LY75: variants seen among roughly 807,000 people sequenced by gnomAD.
LY75 encodes the protein C-type lectin domain family 13 member B.
In LY75, 185 loss-of-function variants were observed where a neutral mutation model predicts 231.7. The observed-to-expected ratio is 0.80, with a 90% CI of 0.71 to 0.90. The LOEUF (loss-of-function observed/expected upper bound fraction) is 0.90. LY75 is among the 40% of genes least tolerant of loss of function. LY75 has a pLI of 0.00. For missense variants in LY75, 1,947 were observed against 2,050.2 expected, an observed-to-expected ratio of 0.95 and a Z score of 0.97; for synonymous variants, 668 against 689.0, an observed-to-expected ratio of 0.97 and a Z score of 0.48.
chr2:159,828,957 C>A (rs1313682577), intron 28 of LY75, among the ~76,000 whole-genome samples: 1 of 152,090 alleles, frequency 6.6e-6, no homozygotes, highest in East Asian at 1.9e-4. Flanking sequence ...TACATTCAGG[C>A]AATCTGTAGA....
intron 23 of LY75, among the ~76,000 whole-genome samples, chr2:159,849,451 G>A (rs961026817): frequency 2.6e-5 from 4 of 152,024 alleles, no homozygotes; most frequent in Non-Finnish European, 5.9e-5. Context: ...TTTGCCTCAG[G>A]AGACTGAGGC....
Position 159,860,876 on chromosome 2 carries a change from A to G in LY75, c.2213T>C (p.Ile738Thr). 6.2e-7 allele frequency: 1 copy of G among 1,613,970 alleles called. No individual in the cohort carries two copies. Among genetic ancestry groups the G allele is most frequent in the Non-Finnish European group, 8.5e-7 (1 of 1,179,876 alleles). ...WSDRTPVSTIIMPNEFQQDYD... is the reference protein window; with the variant it reads ...WSDRTPVSTITMPNEFQQDYD... ...ATCCTGCTGAAACTCATTTGGCATG[A>G]TAATAGTAGACACCTGAAAAGACAA... The change falls in exon 15 of 35, where the codon ATC becomes ACC. Residue 738 changes from isoleucine (I) to threonine (T), a missense_variant. By Grantham distance (89) the Ile-to-Thr change is moderately conservative. Transcript: ENST00000263636.
At chr2:159,848,892 A>G (rs1684297574) in intron 23 of LY75, among the ~76,000 whole-genome samples, 1 of 152,156 alleles carries the variant, frequency 6.6e-6, no homozygotes, top group Admixed American at 6.5e-5. Flanking sequence ...GAAGAGAACG[A>G]ACATATCAGA....
At chr2:159,881,053 A>G (rs1685420361) in intron 8 of LY75, 30 bp downstream of exon 8, 2 of 1,603,440 alleles carry the variant, frequency 1.2e-6, no homozygotes, top group East Asian at 4.5e-5. Flanking sequence ...AAACAGGAAG[A>G]ATATAAAGAA....
rs113288676 is a variant in LY75 at position 159,882,291 on chromosome 2, C to A, written c.1079G>T (p.Arg360Leu). 2.5e-6 allele frequency: 4 copies of A among 1,613,778 alleles called. No homozygotes were observed. The highest frequency in any genetic ancestry group is 3.4e-6 in the Non-Finnish European group (4 of 1,179,786). Residue 360 changes from arginine to leucine, a missense_variant, in exon 7 of 35, where the codon CGC (arginine) becomes CTC (leucine). By Grantham distance (102) the Arg-to-Leu change is moderately radical (BLOSUM62 -2). Coordinates refer to ENST00000263636, the MANE Select transcript of LY75 (RefSeq NM_002349.4). ...LTDVWTYSDT[R>L]CDAGWLPNNG... ...ATTTGGCAGCCAGCCTGCATCACAG[C>A]GGGTATCTGAGTATGTCCAGACATC...
intron 1 of LY75, among the ~76,000 whole-genome samples, chr2:159,901,054 G>A (rs973222578): frequency 6.6e-6 from 1 of 152,078 alleles, no homozygotes; most frequent in Admixed American, 6.6e-5. Context: ...GGCCAAGCTG[G>A]TCTCGAACTC....
intron 31 of LY75, 49 bp downstream of exon 31, chr2:159,815,356 A>C: frequency 6.5e-7 from 1 of 1,541,256 alleles, no homozygotes; most frequent in Middle Eastern, 1.7e-4. Flanking sequence ...ATGTGCATAA[A>C]TTATGTCACA....
chr2:159,842,198 T>TATATATATAG, intron 24 of LY75, 47 bp downstream of exon 24: 1 of 1,571,528 alleles, frequency 6.4e-7, no homozygotes, highest in African/African-American at 1.5e-5. Flanking sequence ...TATATATATA[T>TATATATATAG]ATGTAATAGC....
At position 159,894,018 on chromosome 2, in the gene LY75, G is replaced by A. The variant is rs1271391648; in HGVS notation, c.533C>T (p.Thr178Ile). The change falls in exon 3 of 35, where the codon ACC becomes ATC. Residue 178 changes from threonine to isoleucine, a missense_variant. Thr to Ile is a moderately conservative substitution (Grantham distance 89). Transcript: ENST00000263636. ...ATCAAGAATGCAATCATGATGCCAG[G>A]TCCCATCAATTAAGAATGGAAATTC... Reference protein sequence around the residue: ...PCEFPFLIDGTWHHDCILDED... With the variant: ...PCEFPFLIDGIWHHDCILDED... 2 of 1,613,722 alleles carry A rather than the reference G, an allele frequency of 1.2e-6. No individual in the cohort carries two copies. The highest frequency in any genetic ancestry group is 3.3e-5 in the Admixed American group (2 of 59,976).
chr2:159,894,462 C>A (rs906723838), intron 2 of LY75, among the ~76,000 whole-genome samples: 1 of 152,196 alleles, frequency 6.6e-6, no homozygotes, highest in South Asian at 2.1e-4. Context: ...GAAAGGGTGC[C>A]CTGGCTGAGG....
At chr2:159,854,960 G>C in intron 16 of LY75, 21 bp from the exon 17 acceptor site, 1 of 1,613,628 alleles carries the variant, frequency 6.2e-7, no homozygotes, top group Non-Finnish European at 8.5e-7. Context: ...AAGAAAGCAA[G>C]TGGCATTAGT....
chr2:159,892,045 C>A (rs1393860418), intron 3 of LY75, among the ~76,000 whole-genome samples: 1 of 152,128 alleles, frequency 6.6e-6, no homozygotes, highest in East Asian at 1.9e-4. Flanking sequence ...GATATGTAAT[C>A]CTCCAAGTGT....
intron 8 of LY75, among the ~76,000 whole-genome samples, chr2:159,879,656 GAGA>G (rs1456631056): frequency 6.6e-6 from 1 of 152,108 alleles, no homozygotes; most frequent in Non-Finnish European, 1.5e-5. Context: ...AAGTTGAAGA[GAGA>G]AGAACTCAGC....
intron 12 of LY75, 27 bp from the exon 13 acceptor site, chr2:159,872,620 T>C: frequency 6.2e-7 from 1 of 1,603,344 alleles, no homozygotes; most frequent in Non-Finnish European, 8.5e-7. Context: ...ATTAATTTGT[T>C]TTATGGTATT....
Position 159,890,203 on chromosome 2 carries a change from T to A in LY75, c.802+10A>T, listed in dbSNP as rs774765333. 2 of 1,605,080 alleles carry A rather than the reference T, an allele frequency of 1.2e-6. No individual in the cohort carries two copies. The highest frequency in any genetic ancestry group is 1.7e-6 in the Non-Finnish European group (2 of 1,176,100). ...GCCAATTTGCTCTATCACATGCAAA[T>A]AAAATCTACCTTTAAGGTAAGTTAA... is the stretch of plus-strand genomic sequence containing the variant. On this transcript the variant is annotated intron_variant, in intron 4 of 34. Transcript: ENST00000263636.
intron 12 of LY75, among the ~76,000 whole-genome samples, chr2:159,874,685 AAATATATATATTTTGTAAATATATG>A (rs1685181246): frequency 4.0e-5 from 2 of 50,570 alleles, no homozygotes; most frequent in East Asian, 1.2e-3. Flanking sequence ...AAATATATGT[AAATATATATATTTTGTAAATATATG>A]TAAATATATA....
rs376249829 is a variant in LY75, at chr2:159,817,002, A to T, written c.4184T>A (p.Leu1395Gln). 6.2e-7 allele frequency: 1 copy of T among 1,613,794 alleles called. No homozygotes were observed. The highest frequency in any genetic ancestry group is 1.3e-5 in the African/African-American group (1 of 74,944). Residue 1395 changes from leucine (L) to glutamine (Q), a missense_variant, in exon 30 of 35, where the codon CTG becomes CAG. By Grantham distance (113) the Leu-to-Gln change is moderately radical. Coordinates refer to ENST00000263636, the MANE Select transcript of LY75 (RefSeq NM_002349.4). ...VDYKEEYNTT[L>Q]PQFMPYEDGI... ...ATCTTCATATGGCATAAACTGTGGC[A>T]GTGTAGTATTATATTCTTCTTTGTA...
intron 29 of LY75, among the ~76,000 whole-genome samples, chr2:159,817,693 A>G (rs1683161806): frequency 6.6e-6 from 1 of 152,216 alleles, no homozygotes; most frequent in South Asian, 2.1e-4. Flanking sequence ...TGGAAGTGCT[A>G]CAAACAAACA....
rs1276618171 is a variant in LY75, at chr2:159,807,696, C to T, written c.4823-556G>A. On this transcript the variant is annotated intron_variant, in intron 33 of 34. Coordinates refer to ENST00000263636, the MANE Select transcript of LY75 (RefSeq NM_002349.4). ...TCATTTAGATGGACAACTTGGAATC[C>T]TTTTATTTTTTGACAAGTACTTAAC... 1.6e-5 allele frequency: 16 copies of T among 977,938 alleles called. No individual in the cohort carries two copies. In the African/African-American group the frequency reaches 2.6e-4, roughly 16 times the overall value. 60.6% of individuals were successfully genotyped at this position (977,938 alleles called of 1,614,324 possible).
Sources: gnomAD v4.1 joint callset for allele counts (sites outside exome capture counted in the v4.1 genomes callset) on GRCh38, gnomAD v4.1.1 for gene constraint, MANE v1.5 for transcripts, NCBI Gene and HGNC (gene_info 2026-07-23, HGNC 2026-07-21) for gene names.